The following PI4KA variants were observed in gnomAD, a reference collection of about 807,000 sequenced individuals.
The protein encoded by PI4KA is PI4-kinase alpha.
PI4KA carries 122 observed loss-of-function variants against 271.4 expected under a neutral mutation model. The observed-to-expected ratio is 0.45, with a 90% CI of 0.39 to 0.52. The LOEUF (loss-of-function observed/expected upper bound fraction) is 0.52, where lower values mean the gene tolerates loss of function less well. Ranked by LOEUF, PI4KA falls within the 20% of genes least tolerant of loss-of-function variation. The pLI is 0.00. For missense variants in PI4KA, 1,969 were observed against 2,769.1 expected (o/e 0.71, Z 6.48); for synonymous variants, 1,041 against 1,078.8 (o/e 0.96, Z 0.69).
At chr22:20,789,904 ACC>A (rs1448846604) in intron 19 of PI4KA, among the ~76,000 whole-genome samples, 1 of 152,110 alleles carries the variant, frequency 6.6e-6, no homozygotes, top group Non-Finnish European at 1.5e-5. Context: ...AAATAAGTAA[ACC>A]TTCCAAGGCC....
At chr22:20,739,348 AAACAAAAAAAAGCAAC>A (rs1201019584) in intron 32 of PI4KA, among the ~76,000 whole-genome samples, 1 of 151,524 alleles carries the variant, frequency 6.6e-6, no homozygotes, top group East Asian at 1.9e-4. Context: ...CAAAAAAAAA[AAACAAAAAAAAGCAAC>A]AACAAAAAAA....
chr22:20,784,087 A>C (rs1934012036), intron 19 of PI4KA: 2 of 1,614,204 alleles, frequency 1.2e-6, no homozygotes, highest in Non-Finnish European at 1.7e-6. Context: ...TCCTCGCAGC[A>C]AATGACCAGG....
At chr22:20,796,409 G>A (rs1000095035) in intron 17 of PI4KA, 95 bp from the exon 18 acceptor site, 343 of 1,127,604 alleles carry the variant, frequency 3.0e-4, no homozygotes, top group Non-Finnish European at 4.2e-4. Context: ...AGCGGGCCAG[G>A]CCCAGCCTGC....
intron 20 of PI4KA, 145 bp from the exon 21 acceptor site, chr22:20,765,381 G>T: frequency 2.2e-6 from 2 of 923,072 alleles, no homozygotes; most frequent in Non-Finnish European, 3.3e-6. Context: ...TACCTGACTT[G>T]GACAGACTTT....
intron 7 of PI4KA, among the ~76,000 whole-genome samples, chr22:20,815,102 G>A (rs1051050552): frequency 1.3e-5 from 2 of 151,844 alleles, no homozygotes; most frequent in African/African-American, 4.8e-5. Context: ...AAACTATGAG[G>A]CCAGGTGTGG....
chr22:20,848,037 A>G (rs1926486769), intron 1 of PI4KA, among the ~76,000 whole-genome samples: 1 of 152,104 alleles, frequency 6.6e-6, no homozygotes, highest in African/African-American at 2.4e-5. Flanking sequence ...CAAGAGTTCG[A>G]GACCAGCCTG....
chr22:20,799,293 A>G lies in PI4KA; in HGVS notation c.1821-17T>C. 6.6e-7 allele frequency: 1 copy of G among 1,510,780 alleles called. No individual in the cohort carries two copies. The highest frequency in any genetic ancestry group is 8.8e-7 in the Non-Finnish European group (1 of 1,133,454). The allele number at this position is 1,510,780 out of a possible 1,614,324, so 93.6% of individuals were successfully genotyped here. A position where few individuals can be genotyped will look rare whatever the true frequency, so the allele number is the denominator to read the frequency against. On this transcript the variant is annotated splice_polypyrimidine_tract_variant and intron_variant, in intron 15 of 54. Transcript: ENST00000255882. ...TGAGCGTCCCTACAGAAGGAAGAAC[A>G]GAAGCGCCCTAGCAACAGTCCCTCC... is the stretch of plus-strand genomic sequence containing the variant.
intron 48 of PI4KA, 192 bp downstream of exon 48, chr22:20,713,089 C>CAG (rs1925523320): frequency 1.4e-6 from 1 of 696,558 alleles, no homozygotes; most frequent in Non-Finnish European, 2.5e-6. Flanking sequence ...ATGGCGGGGA[C>CAG]AGTGGGAAAG....
At chr22:20,726,172 G>A (rs1031652731) in intron 42 of PI4KA, 7 of 295,442 alleles carry the variant, frequency 2.4e-5, no homozygotes, top group Non-Finnish European at 4.4e-5. Context: ...CGGCTGAAGA[G>A]GGCAGGATTC....
chr22:20,786,948 T>A (rs771239760), intron 19 of PI4KA: 3 of 1,614,168 alleles, frequency 1.9e-6, no homozygotes, highest in East Asian at 2.2e-5. Context: ...GTGGGGTTCA[T>A]GCCGCTGTCC....
chr22:20,850,551 C>T (rs1424032504), intron 1 of PI4KA, among the ~76,000 whole-genome samples: 1 of 151,900 alleles, frequency 6.6e-6, no homozygotes, highest in Non-Finnish European at 1.5e-5. Flanking sequence ...TCATGCCATT[C>T]TCCTGCCTCA....
At chr22:20,804,440 A>T (rs1569053428) in intron 11 of PI4KA, 40 bp from the exon 12 acceptor site, 1 of 1,356,062 alleles carries the variant, frequency 7.4e-7, no homozygotes, top group Non-Finnish European at 1.1e-6. Context: ...TGATCAGCAC[A>T]GGCCAGTCTT....
rs576621549 is a variant in PI4KA, at chr22:20,732,819, C to T, written c.4288+152G>A. ...AGGAGAAGCAGAGCCAGGCATGCAC[C>T]GGCCTCCAATGACCGTGCAACACAG... On this transcript the variant is annotated intron_variant, in intron 36 of 54. Transcript: ENST00000255882. 87 of 698,630 alleles carry T rather than the reference C, an allele frequency of 1.2e-4. No homozygotes were observed. The South Asian group carries it at 1.4e-3, about 11-fold the overall frequency. 43.3% of individuals were successfully genotyped at this position (698,630 alleles called of 1,614,324 possible).
At chr22:20,819,506 T>C (rs1922316667) in intron 6 of PI4KA, 135 bp downstream of exon 6, 3 of 809,648 alleles carry the variant, frequency 3.7e-6, no homozygotes, top group Non-Finnish European at 5.9e-6. Flanking sequence ...GACAAGTCTT[T>C]GTATTAAAGA....
rs770331574 is a variant in PI4KA, at chr22:20,819,858, G to A, written c.572C>T (p.Ser191Leu). ...GTTGCTGTAACGCCCAAATGCTCGC[G>A]AGATTCCTATCAGGCATGGGATAGC... The part of the protein sequence containing the change: ...KYAIPCLIGI[S>L]RAFGRYSNME... The change falls in exon 6 of 55, where the codon TCG (serine) becomes TTG (leucine). Residue 191 changes from serine to leucine, a missense_variant. By Grantham distance (145) the Ser-to-Leu change is moderately radical. Coordinates refer to ENST00000255882, the MANE Select transcript of PI4KA (RefSeq NM_058004.4). 62 of 1,613,706 alleles carry A rather than the reference G, an allele frequency of 3.8e-5. No homozygotes were observed. Among genetic ancestry groups the A allele is most frequent in the Non-Finnish European group, 4.9e-5 (58 of 1,179,710 alleles).
intron 19 of PI4KA, among the ~76,000 whole-genome samples, chr22:20,790,737 CACACA>C (rs1934587724): frequency 6.9e-6 from 1 of 145,074 alleles, no homozygotes; most frequent in Non-Finnish European, 1.5e-5. Flanking sequence ...CACACACACA[CACACA>C]ACAAAAAAAA....
intron 27 of PI4KA, 123 bp from the exon 28 acceptor site, chr22:20,750,117 T>A: frequency 1.5e-6 from 1 of 656,584 alleles, no homozygotes. Context: ...CTGGTACCAG[T>A]ACCTCAGAGT....
intron 19 of PI4KA, chr22:20,786,838 T>C (rs745529379): frequency 1.2e-6 from 2 of 1,605,260 alleles, no homozygotes; most frequent in African/African-American, 2.7e-5. Flanking sequence ...CTCTGTGTGC[T>C]GACCTCCAGA....
At chr22:20,813,642 A>G in intron 7 of PI4KA, 136 bp from the exon 8 acceptor site, 1 of 703,514 alleles carries the variant, frequency 1.4e-6, no homozygotes, top group Non-Finnish European at 2.4e-6. Context: ...ATGTTTTTAA[A>G]TTAACAACTA....
Sources: allele counts gnomAD v4.1 joint callset (sites outside exome capture counted in the v4.1 genomes callset), GRCh38; gene constraint gnomAD v4.1.1; transcripts MANE v1.5; gene names NCBI Gene and HGNC (gene_info 2026-07-23, HGNC 2026-07-21).